DST: variants seen among roughly 807,000 people sequenced by gnomAD.
DST encodes the protein dystonin, also known as bullous pemphigoid antigen.
DST carries 253 observed loss-of-function variants against 875.2 expected under a neutral mutation model. The observed-to-expected ratio is 0.29, with a 90% CI of 0.26 to 0.32. The LOEUF (loss-of-function observed/expected upper bound fraction) is 0.32, where lower values mean the gene tolerates loss of function less well. Ranked by LOEUF, DST falls within the 10% of genes least tolerant of loss-of-function variation. DST has a pLI of 1.00. For synonymous variants in DST, 3,124 were observed against 3,197.1 expected (o/e 0.98, Z 0.77); for missense variants, 8,287 against 9,111.6 (o/e 0.91, Z 3.68).
intron 3 of DST, among the ~76,000 whole-genome samples, chr6:56,853,701 C>A (rs900948425): frequency 4.6e-5 from 7 of 151,978 alleles, no homozygotes; most frequent in Admixed American, 4.6e-4. Flanking sequence ...TGGCCTGAGT[C>A]TCAGCTGATT....
Position 56,780,190 on chromosome 6 carries a change from G to A in DST, c.626-44901C>T, listed in dbSNP as rs574189688. ...GAATAGTGCCACAATAAACATACAT[G>A]TACATGTGTCTTTATAGCAGCATGA... is the stretch of plus-strand genomic sequence containing the variant. On this transcript the variant is annotated intron_variant, in intron 4 of 103. Transcript: ENST00000680361. Among the ~76,000 whole-genome samples, 5 of 151,992 alleles carry A rather than the reference G, an allele frequency of 3.3e-5. No homozygotes were observed. In the East Asian group the frequency reaches 7.7e-4, roughly 24 times the overall value.
intron 7 of DST, 52 bp downstream of exon 7, chr6:56,703,596 G>A (rs1178599230): frequency 4.2e-6 from 3 of 715,696 alleles, no homozygotes; most frequent in South Asian, 6.2e-5. Flanking sequence ...TCAGGTTAGC[G>A]CTCACCGCAT....
chr6:56,591,800 C>T (rs1006491619), intron 49 of DST, among the ~76,000 whole-genome samples: 1 of 151,888 alleles, frequency 6.6e-6, no homozygotes, highest in Non-Finnish European at 1.5e-5. Context: ...TGGCGAAACC[C>T]CGTCTCTACT....
intron 92 of DST, among the ~76,000 whole-genome samples, chr6:56,475,025 T>C (rs537273350): frequency 6.7e-6 from 1 of 148,864 alleles, no homozygotes; most frequent in South Asian, 2.2e-4. Context: ...TACATCCACA[T>C]TTAATGTGGA....
At chr6:56,807,144 A>G (rs1473461516) in intron 4 of DST, among the ~76,000 whole-genome samples, 1 of 152,080 alleles carries the variant, frequency 6.6e-6, no homozygotes, top group Non-Finnish European at 1.5e-5. Flanking sequence ...TCCGCTTCCC[A>G]GGCTCAAGCA....
intron 4 of DST, among the ~76,000 whole-genome samples, chr6:56,837,018 T>A (rs111628937): frequency 2.0e-5 from 3 of 152,114 alleles, no homozygotes; most frequent in Non-Finnish European, 4.4e-5. Flanking sequence ...TTATGGAAAA[T>A]AGATCCACTG....
In DST at chr6:56,552,859, G is replaced by A. The variant is rs774732469; in HGVS notation, c.15933C>T (p.Tyr5311=). The change falls in exon 61 of 104, where the codon TAC becomes TAT. Residue 5311 remains tyrosine (Y), a synonymous_variant. Coordinates refer to ENST00000680361, the MANE Select transcript of DST (RefSeq NM_001374736.1). ...SLGSQAYSNK[Y]LTMLQTQQKS... ...TCTGCTGAGTTTGCAACATGGTCAG[G>A]TATTTGTTACTGTAAGCCTGGGATC... is the stretch of plus-strand genomic sequence containing the variant. 1 of 1,613,730 alleles carries A rather than the reference G, an allele frequency of 6.2e-7. No homozygotes were observed. Among genetic ancestry groups the A allele is most frequent in the Non-Finnish European group, 8.5e-7 (1 of 1,179,880 alleles).
chr6:56,842,433 T>C (rs148470432), intron 4 of DST, among the ~76,000 whole-genome samples: 176 of 152,256 alleles, frequency 1.2e-3, no homozygotes, highest in African/African-American at 3.9e-3. Context: ...TACTAAAACA[T>C]AAATATCAGA....
intron 61 of DST, among the ~76,000 whole-genome samples, chr6:56,548,967 C>T (rs2097274304): frequency 6.6e-6 from 1 of 152,174 alleles, no homozygotes. Flanking sequence ...ATAGCATTTG[C>T]TTTAAGTATT....
At chr6:56,904,198 T>TA (rs927988425) in intron 2 of DST, among the ~76,000 whole-genome samples, 5 of 152,214 alleles carry the variant, frequency 3.3e-5, no homozygotes, top group Admixed American at 6.5e-5. Flanking sequence ...TCATACTATC[T>TA]AAAAAAGAAA....
intron 36 of DST, chr6:56,619,686 CT>C (rs1563238786): frequency 6.2e-7 from 1 of 1,613,920 alleles, no homozygotes. Context: ...TCAGCTTTAC[CT>C]GTGGTTTGAT....
At chr6:56,482,661 C>T in intron 89 of DST, 22 bp downstream of exon 89, 1 of 1,601,230 alleles carries the variant, frequency 6.2e-7, no homozygotes, top group African/African-American at 1.3e-5. Flanking sequence ...TTACACCCAG[C>T]TCTCATTTAC....
chr6:56,558,143 T>C (rs1005079352), intron 58 of DST, among the ~76,000 whole-genome samples: 9 of 152,188 alleles, frequency 5.9e-5, no homozygotes, highest in African/African-American at 2.2e-4. Flanking sequence ...TTTTATGAGC[T>C]TCCTAACTCT....
intron 3 of DST, among the ~76,000 whole-genome samples, chr6:56,876,046 C>T (rs1043491876): frequency 6.6e-6 from 1 of 152,104 alleles, no homozygotes; most frequent in Non-Finnish European, 1.5e-5. Flanking sequence ...TATACCTCTG[C>T]ACCTCTCCAG....
chr6:56,693,149 T>C (rs1482394344), intron 9 of DST: 3 of 1,280,394 alleles, frequency 2.3e-6, no homozygotes, highest in Admixed American at 4.8e-5. Flanking sequence ...ACATTCCCCA[T>C]TTGATTTGTA....
chr6:56,567,230 T>C (rs1467289040), intron 55 of DST, among the ~76,000 whole-genome samples: 1 of 152,176 alleles, frequency 6.6e-6, no homozygotes, highest in Non-Finnish European at 1.5e-5. Context: ...TACTAGTATC[T>C]ATCGGCTATG....
intron 2 of DST, among the ~76,000 whole-genome samples, chr6:56,914,367 G>A (rs1030513594): frequency 2.2e-4 from 34 of 152,312 alleles, no homozygotes; most frequent in Admixed American, 5.9e-4. Context: ...GCCAGTTGCT[G>A]AGAGGGTGGC....
At chr6:56,926,784 G>A (rs935733830) in intron 2 of DST, among the ~76,000 whole-genome samples, 29 of 152,274 alleles carry the variant, frequency 1.9e-4, no homozygotes, top group African/African-American at 6.7e-4. Context: ...AAGTCAATGG[G>A]AGGATATGCT....
At chr6:56,660,121 A>T (rs117919655) in intron 10 of DST, among the ~76,000 whole-genome samples, 1 of 152,196 alleles carries the variant, frequency 6.6e-6, no homozygotes, top group Non-Finnish European at 1.5e-5. Flanking sequence ...TACAGATAGA[A>T]AAAGACTGCT....
Sources: gnomAD v4.1 joint callset for allele counts (sites outside exome capture counted in the v4.1 genomes callset) on GRCh38, gnomAD v4.1.1 for gene constraint, MANE v1.5 for transcripts, NCBI Gene and HGNC (gene_info 2026-07-23, HGNC 2026-07-21) for gene names.